Variants in CTNNA2 observed in about 807,000 individuals in gnomAD.
CTNNA2 encodes catenin alpha 2, also known as catenin alpha-2.
Under a neutral mutation model 101.0 loss-of-function variants are expected in CTNNA2, and 42 were observed. The ratio of observed to expected loss-of-function variants is 0.42; its 90% CI spans 0.32 to 0.54. The LOEUF (loss-of-function observed/expected upper bound fraction) is 0.54, where lower values mean the gene tolerates loss of function less well. Among genes scored for constraint, CTNNA2 ranks in the 20% least tolerant of loss-of-function variants. The pLI, the probability that CTNNA2 is intolerant of heterozygous loss-of-function variation, is 0.14. For synonymous variants in CTNNA2, 450 were observed against 456.4 expected, an observed-to-expected ratio of 0.99 and a Z score of 0.18; for missense variants, 871 against 1,223.1, an observed-to-expected ratio of 0.71 and a Z score of 4.29.
At chr2:80,289,013 C>T (rs1327386351) in intron 7 of CTNNA2, 5 of 152,218 alleles carry the variant, frequency 3.3e-5, no homozygotes, top group Admixed American at 6.5e-5. Context: ...AGAAAAACAA[C>T]GCGTGCACTT....
chr2:79,689,328 T>C (rs777715606), intron 2 of CTNNA2, among the ~76,000 whole-genome samples: 1 of 151,928 alleles, frequency 6.6e-6, no homozygotes, highest in Non-Finnish European at 1.5e-5. Context: ...CAGATTATCG[T>C]TGGAAAATAG....
At position 79,990,451 on chromosome 2, in the gene CTNNA2, G is replaced by T. The variant is rs144140126; in HGVS notation, c.1056+80654G>T. On this transcript the variant is annotated intron_variant, in intron 7 of 18. Transcript: ENST00000402739. ...GAAGGGAGTCGCACTGATACACGGT[G>T]GCTAAGAAAACTAACTTTGGAGTCA... Among the ~76,000 whole-genome samples the T allele has an allele frequency of 6.4e-3, 979 of 152,198 alleles. 10 individuals are homozygous for T. The highest frequency in any genetic ancestry group is 0.022 in the African/African-American group (927 of 41,546).
chr2:79,897,014 C>T (rs561940714), intron 6 of CTNNA2, among the ~76,000 whole-genome samples: 20 of 152,288 alleles, frequency 1.3e-4, no homozygotes, highest in African/African-American at 4.8e-4. Context: ...GGCCAGGCAT[C>T]TTAGTCATGA....
At chr2:79,748,895 T>C (rs1671818044) in intron 3 of CTNNA2, among the ~76,000 whole-genome samples, 2 of 152,066 alleles carry the variant, frequency 1.3e-5, no homozygotes, top group Non-Finnish European at 2.9e-5. Flanking sequence ...TGAACCCCTA[T>C]GGACTCTGAT....
At chr2:80,305,538 C>A (rs897754082) in intron 7 of CTNNA2, among the ~76,000 whole-genome samples, 1 of 152,012 alleles carries the variant, frequency 6.6e-6, no homozygotes, top group Admixed American at 6.6e-5. Flanking sequence ...ATAGTTTAAG[C>A]CATAATGAAG....
In CTNNA2 at chr2:79,958,198, T is replaced by C. The variant is rs147077645; in HGVS notation, c.1056+48401T>C. Reference sequence around the variant, plus strand: ...TTCGTTTGTCTATCAGCCTCTTCTCTGCAGCACTTTTTTCCTTTTTCTTTT... The same window carrying C: ...TTCGTTTGTCTATCAGCCTCTTCTCCGCAGCACTTTTTTCCTTTTTCTTTT... On this transcript the variant is annotated intron_variant, in intron 7 of 18. Coordinates refer to ENST00000402739, the MANE Select transcript of CTNNA2 (RefSeq NM_001282597.3). Among the ~76,000 whole-genome samples the C allele has an allele frequency of 6.6e-5, 10 of 152,322 alleles. No homozygotes were observed. The East Asian group carries it at 1.9e-3, about 29-fold the overall frequency.
intron 4 of CTNNA2, among the ~76,000 whole-genome samples, chr2:79,502,609 G>T (rs1671332226): frequency 6.6e-6 from 1 of 152,146 alleles, no homozygotes; most frequent in African/African-American, 2.4e-5. Context: ...GAAGCTGAGT[G>T]CTGGGGTAAT....
intron 7 of CTNNA2, among the ~76,000 whole-genome samples, chr2:80,166,303 T>C (rs537343120): frequency 7.2e-5 from 11 of 152,290 alleles, no homozygotes; most frequent in African/African-American, 2.6e-4. Flanking sequence ...TCACCCCCAC[T>C]CTACTTTCCC....
At chr2:79,840,368 T>C (rs1019018347) in intron 3 of CTNNA2, among the ~76,000 whole-genome samples, 13 of 152,218 alleles carry the variant, frequency 8.5e-5, no homozygotes, top group Non-Finnish European at 1.5e-4. Flanking sequence ...AGCTTATAAG[T>C]TATTAACTCT....
Position 79,501,965 on chromosome 2 carries a change from C to CTTT in CTNNA2, c.-134-3072_-134-3070dup, listed in dbSNP as rs59130555. The stretch of plus-strand genomic sequence containing the variant: ...GTCTCCCATATTCAAGGATATTAGT[C>CTTT]TTTTTTTTTTTTTTTTTTTAGTTCA... On this transcript the variant is annotated intron_variant, in intron 4 of 21. Transcript: ENST00000466387. Among the ~76,000 whole-genome samples the CTTT allele has an allele frequency of 3.4e-3, 433 of 128,778 alleles. 1 individual carries two copies. The highest frequency in any genetic ancestry group is 3.1e-3 in the Non-Finnish European group (189 of 60,220). 84.5% of individuals were successfully genotyped at this position (128,778 alleles called of 152,430 possible).
chr2:79,833,001 AG>A (rs1394847255), intron 3 of CTNNA2, among the ~76,000 whole-genome samples: 1 of 152,230 alleles, frequency 6.6e-6, no homozygotes, highest in Non-Finnish European at 1.5e-5. Context: ...CCAACAGTAA[AG>A]CTTTAGGAAA....
intron 7 of CTNNA2, among the ~76,000 whole-genome samples, chr2:80,030,127 A>T (rs765764287): frequency 2.0e-5 from 3 of 152,140 alleles, no homozygotes; most frequent in Non-Finnish European, 2.9e-5. Context: ...ACTGAAGGAA[A>T]ATTAGAATTA....
intron 7 of CTNNA2, among the ~76,000 whole-genome samples, chr2:80,201,045 A>G (rs778303785): frequency 2.0e-5 from 3 of 152,126 alleles, no homozygotes; most frequent in Non-Finnish European, 2.9e-5. Flanking sequence ...ATGGCATAGT[A>G]TTTACACATA....
chr2:80,283,772 G>T (rs752003894), intron 7 of CTNNA2, among the ~76,000 whole-genome samples: 1 of 152,108 alleles, frequency 6.6e-6, no homozygotes, highest in Non-Finnish European at 1.5e-5. Context: ...AGGAAGAAGG[G>T]CAGTTCTCCA....
chr2:79,439,849 G>A (rs959676087), intron 4 of CTNNA2, among the ~76,000 whole-genome samples: 1 of 152,156 alleles, frequency 6.6e-6, no homozygotes, highest in African/African-American at 2.4e-5. Context: ...GTTTTAACAA[G>A]CTCTCTTGGT....
rs762412544 is a variant in CTNNA2 at position 80,302,663 on chromosome 2, G to A, written c.1057-90548G>A. On this transcript the variant is annotated intron_variant, in intron 7 of 18. Coordinates refer to ENST00000402739, the MANE Select transcript of CTNNA2 (RefSeq NM_001282597.3). This position sits in a 1 kb window ranked among gnomAD's most constrained non-coding sequence, Gnocchi z 6.4. ...GAGCGTGGTGGCCGAGCTGGCAGGG[G>A]GCCCCAGATCACTGCGGTTGGTGAC... is the stretch of plus-strand genomic sequence containing the variant. 7 of 1,610,542 alleles carry A rather than the reference G, an allele frequency of 4.3e-6. No homozygotes were observed. In the South Asian group the frequency reaches 7.7e-5, roughly 18 times the overall value.
At chr2:79,944,484 T>C (rs751192347) in intron 7 of CTNNA2, among the ~76,000 whole-genome samples, 150 of 152,302 alleles carry the variant, frequency 9.8e-4, no homozygotes, top group Non-Finnish European at 1.8e-3. Context: ...CTCAGTGAAC[T>C]GTCAAATGGT....
chr2:80,039,218 A>C (rs981438770), intron 7 of CTNNA2, among the ~76,000 whole-genome samples: 22 of 152,066 alleles, frequency 1.4e-4, no homozygotes, highest in Non-Finnish European at 3.1e-4. Flanking sequence ...TCAGTAAGTG[A>C]GATAGGTAGA....
At chr2:80,289,128 C>T (rs1385431313) in intron 7 of CTNNA2, 1 of 152,146 alleles carries the variant, frequency 6.6e-6, no homozygotes, top group Non-Finnish European at 1.5e-5. Flanking sequence ...GAAGATCTAG[C>T]AGATATATGC....
Sources: allele counts gnomAD v4.1 joint callset (sites outside exome capture counted in the v4.1 genomes callset), GRCh38; gene constraint gnomAD v4.1.1; non-coding constraint Gnocchi (gnomAD v3.1); transcripts MANE v1.5; gene names NCBI Gene and HGNC (gene_info 2026-07-23, HGNC 2026-07-21).